The following ALMS1 variants were observed in gnomAD, a reference collection of about 807,000 sequenced individuals.
ALMS1 encodes ALMS1 centrosome and basal body associated protein.
ALMS1 carries 271 observed loss-of-function variants against 352.2 expected under a neutral mutation model. That is an observed-to-expected ratio of 0.77 (90% CI 0.70 to 0.85). The LOEUF (loss-of-function observed/expected upper bound fraction) is 0.85, where lower values mean the gene tolerates loss of function less well. Ranked by LOEUF, ALMS1 falls within the 40% of genes least tolerant of loss-of-function variation. ALMS1 has a pLI of 0.00. For synonymous variants in ALMS1, 1,865 were observed against 1,761.2 expected (o/e 1.06, Z -1.48); for missense variants, 5,445 against 4,870.7 (o/e 1.12, Z -3.51).
At chr2:73,570,285 G>A (rs922583362) in intron 15 of ALMS1, among the ~76,000 whole-genome samples, 3 of 152,142 alleles carry the variant, frequency 2.0e-5, no homozygotes, top group Non-Finnish European at 4.4e-5. Flanking sequence ...AAGAAAAATC[G>A]TAGCTTGAAA....
chr2:73,540,453 T>G (rs1264004099), intron 12 of ALMS1, among the ~76,000 whole-genome samples: 1 of 152,122 alleles, frequency 6.6e-6, no homozygotes, highest in Non-Finnish European at 1.5e-5. Context: ...AGGAAGAAAC[T>G]TCATCAATCA....
intron 11 of ALMS1, among the ~76,000 whole-genome samples, chr2:73,528,225 G>A (rs569013868): frequency 5.9e-5 from 9 of 152,250 alleles, no homozygotes; most frequent in East Asian, 1.9e-4. Flanking sequence ...TTCTGCAGCC[G>A]TTGGATGAAA....
At chr2:73,427,741 A>T (rs1305228517) in intron 6 of ALMS1, among the ~76,000 whole-genome samples, 1 of 152,060 alleles carries the variant, frequency 6.6e-6, no homozygotes, top group Non-Finnish European at 1.5e-5. Flanking sequence ...CCTTGGCATT[A>T]ATGTTCCTCT....
At chr2:73,550,191 A>T (rs1674399994) in intron 12 of ALMS1, 76 bp from the exon 13 acceptor site, 1 of 1,541,456 alleles carries the variant, frequency 6.5e-7, no homozygotes. Context: ...TTGGTCTAAG[A>T]GGCAAATTTT....
At chr2:73,602,126 G>A (rs1459908425) in intron 19 of ALMS1, 59 bp from the exon 20 acceptor site, 2 of 1,534,542 alleles carry the variant, frequency 1.3e-6, no homozygotes, top group Non-Finnish European at 1.8e-6. Flanking sequence ...CAGGCATATG[G>A]AGAGTAGATT....
intron 6 of ALMS1, among the ~76,000 whole-genome samples, chr2:73,428,696 A>C (rs554878556): frequency 1.3e-5 from 2 of 152,198 alleles, no homozygotes; most frequent in Admixed American, 1.3e-4. Flanking sequence ...GGAAGATGCT[A>C]TTATTCCCTG....
rs867571422 is a variant in ALMS1 at position 73,448,442 on chromosome 2, A to G, written c.1915A>G (p.Ser639Gly). 2 of 1,613,936 alleles carry G rather than the reference A, an allele frequency of 1.2e-6. No individual in the cohort carries two copies. Among genetic ancestry groups the G allele is most frequent in the Middle Eastern group, 3.3e-4 (2 of 6,062 alleles). Residue 639 changes from serine to glycine, a missense_variant, in exon 8 of 23, where the codon AGT becomes GGT. Ser to Gly is a moderately conservative substitution (Grantham distance 56, BLOSUM62 0). Coordinates refer to ENST00000613296, the MANE Select transcript of ALMS1 (RefSeq NM_001378454.1). Reference protein sequence around the residue: ...GTFYQQELPESNLTEEPLEVS... With the variant: ...GTFYQQELPEGNLTEEPLEVS... ...TTTTTACCAACAAGAGTTACCAGAG[A>G]GTAACTTAACCGAAGAGCCTTTGGA... is the stretch of plus-strand genomic sequence containing the variant.
At position 73,489,999 on chromosome 2, in the gene ALMS1, G is replaced by T. The variant is rs755241265; in HGVS notation, c.8040G>T (p.Leu2680=). The T allele has an allele frequency of 5.6e-6, 9 of 1,614,246 alleles. No individual in the cohort carries two copies. The highest frequency in any genetic ancestry group is 7.6e-6 in the Non-Finnish European group (9 of 1,180,048). The change falls in exon 10 of 23, where the codon CTG becomes CTT. Residue 2680 remains leucine, a synonymous_variant. Transcript: ENST00000613296. ...TCGATGAAAAGATGGACCCTTGGCT[G>T]TCAGAATTAGTAGAACCTGCTTTTG... ...MPFDEKMDPW[L]SELVEPAFVP...
At position 73,448,128 on chromosome 2, in the gene ALMS1, C is replaced by G; in HGVS notation, c.1601C>G (p.Thr534Ser). The change falls in exon 8 of 23, where the codon ACT (threonine) becomes AGT (serine). Residue 534 changes from threonine to serine, a missense_variant. Transcript: ENST00000613296. The part of the protein sequence containing the change: ...SPLETTTGQH[T>S]DTLNQKTLAD... ...CTAGAAACTACTACTGGTCAACACACTGATACTCTCAACCAAAAGACATTA... is the reference window on the plus strand; with the variant it reads ...CTAGAAACTACTACTGGTCAACACAGTGATACTCTCAACCAAAAGACATTA... 1 of 1,613,980 alleles carries G rather than the reference C, an allele frequency of 6.2e-7. No individual in the cohort carries two copies. The highest frequency in any genetic ancestry group is 8.5e-7 in the Non-Finnish European group (1 of 1,179,892).
intron 16 of ALMS1, among the ~76,000 whole-genome samples, chr2:73,578,332 G>A (rs561245749): frequency 6.6e-6 from 1 of 151,930 alleles, no homozygotes; most frequent in South Asian, 2.1e-4. Flanking sequence ...AAGCTATTCT[G>A]CCCTCTCTGC....
At chr2:73,545,694 GATAA>G (rs1196280342) in intron 12 of ALMS1, among the ~76,000 whole-genome samples, 12 of 152,176 alleles carry the variant, frequency 7.9e-5, no homozygotes, top group Non-Finnish European at 1.3e-4. Flanking sequence ...CTTTAGCTGT[GATAA>G]ATAATTTTAG....
chr2:73,448,697 A>T lies in ALMS1; in HGVS notation c.2170A>T (p.Ile724Phe). The T allele has an allele frequency of 6.2e-7, 1 of 1,604,414 alleles. No homozygotes were observed. Among genetic ancestry groups the T allele is most frequent in the South Asian group, 1.1e-5 (1 of 90,408 alleles). ...CCACTCACATAGAGAGAAGCCTGGT[A>T]TTTTTTACCAACAAGAGTTCGCAGA... ...TPHSHREKPG[I>F]FYQQEFADSH... The change falls in exon 8 of 23, where the codon ATT becomes TTT. Residue 724 changes from isoleucine to phenylalanine, a missense_variant. Physicochemically the swap from Ile to Phe is conservative, Grantham distance 21. Coordinates refer to ENST00000613296, the MANE Select transcript of ALMS1 (RefSeq NM_001378454.1).
intron 16 of ALMS1, among the ~76,000 whole-genome samples, chr2:73,574,756 G>A (rs1411181002): frequency 1.3e-5 from 2 of 152,088 alleles, no homozygotes; most frequent in Non-Finnish European, 2.9e-5. Context: ...TTGTGTGTGT[G>A]TAGTAAAATA....
rs551501775 is a variant in ALMS1 at position 73,550,663 on chromosome 2, G to A, written c.10078+226G>A. Reference sequence around the variant, plus strand: ...AAATTATAAACTTCATTTTCACAACGGATAATAAAATATGATACAACTTTT... The same window carrying A: ...AAATTATAAACTTCATTTTCACAACAGATAATAAAATATGATACAACTTTT... On this transcript the variant is annotated intron_variant, in intron 13 of 22. Transcript: ENST00000613296. Among the ~76,000 whole-genome samples, 106 of 151,936 alleles carry A rather than the reference G, an allele frequency of 7.0e-4. No homozygotes were observed. In the South Asian group the frequency reaches 9.6e-3, roughly 14 times the overall value.
In ALMS1 at chr2:73,453,295, TA is replaced by T. The variant is rs1553404310; in HGVS notation, c.6772del (p.Thr2258LeufsTer9). On this transcript the variant is annotated frameshift_variant, in exon 8 of 23. Coordinates refer to ENST00000613296, the MANE Select transcript of ALMS1 (RefSeq NM_001378454.1). LOFTEE classifies it high-confidence loss of function. ...EEIQDAENSA[K>X]TLKEIRTLLM... ...AAATCCAGGATGCAGAAAATAGTGC[TA>T]AAACTCTTAAGGAAATTCGGACACT... is the stretch of plus-strand genomic sequence containing the variant. The T allele has an allele frequency of 1.2e-6, 2 of 1,614,010 alleles. No individual in the cohort carries two copies. The highest frequency in any genetic ancestry group is 1.7e-6 in the Non-Finnish European group (2 of 1,179,984).
At chr2:73,584,295 C>G (rs1675261727) in intron 16 of ALMS1, among the ~76,000 whole-genome samples, 1 of 152,108 alleles carries the variant, frequency 6.6e-6, no homozygotes, top group Admixed American at 6.6e-5. Flanking sequence ...GCTTCTGTTT[C>G]AAGAATTAGA....
intron 16 of ALMS1, among the ~76,000 whole-genome samples, chr2:73,596,878 T>TC (rs1558709282): frequency 6.8e-6 from 1 of 146,690 alleles, no homozygotes; most frequent in African/African-American, 2.6e-5. Context: ...TTTTTTTTTT[T>TC]CTTTTTTTTT....
rs747436819 is a variant in ALMS1, at chr2:73,568,995, C to CTTTTTTTTTTTTTTTTTTTTTTTTTT, written c.10385-3255_10385-3230dup. On this transcript the variant is annotated intron_variant, in intron 15 of 22. Transcript: ENST00000613296. The stretch of plus-strand genomic sequence containing the variant: ...AGCTTGCTTGCTGCTGCTTCTGCTT[C>CTTTTTTTTTTTTTTTTTTTTTTTTTT]TTTTTTTTTTTTTTTTTTTTTTTTT... 1.3e-4 allele frequency among the ~76,000 whole-genome samples: 7 copies of CTTTTTTTTTTTTTTTTTTTTTTTTTT among 53,556 alleles called. 2 individuals are homozygous for CTTTTTTTTTTTTTTTTTTTTTTTTTT. The highest frequency in any genetic ancestry group is 2.4e-4 in the Non-Finnish European group (7 of 29,534). The allele number at this position is 53,556 out of a possible 152,430, so 35.1% of individuals were successfully genotyped here.
chr2:73,451,010 C>T lies in ALMS1; in HGVS notation c.4483C>T (p.Leu1495=). 6.2e-7 allele frequency: 1 copy of T among 1,614,020 alleles called. No homozygotes were observed. ...CAAACAGGCCTTTCCAGAGGGTCAT[C>T]TACCTGAAGAGTCTCTGAAAGTTTC... ...IYKQAFPEGH[L]PEESLKVSVA... Residue 1495 remains leucine (L), a synonymous_variant, in exon 8 of 23, where the codon CTA becomes TTA. Coordinates refer to ENST00000613296, the MANE Select transcript of ALMS1 (RefSeq NM_001378454.1).
Sources: allele counts gnomAD v4.1 joint callset (sites outside exome capture counted in the v4.1 genomes callset), GRCh38; gene constraint gnomAD v4.1.1; transcripts MANE v1.5; gene names NCBI Gene and HGNC (gene_info 2026-07-23, HGNC 2026-07-21).